Variants in MAP3K21 observed in about 807,000 individuals in gnomAD.
MAP3K21 encodes the protein mitogen-activated protein kinase kinase kinase 21, also known as mitogen-activated protein kinase kinase kinase MLK4.
A neutral mutation model predicts 86.1 loss-of-function variants in MAP3K21; 63 were observed. That is an observed-to-expected ratio of 0.73 (90% CI 0.60 to 0.90). The LOEUF is 0.90. MAP3K21 is among the 40% of genes least tolerant of loss of function. The pLI, the probability that MAP3K21 is intolerant of heterozygous loss-of-function variation, is 0.00. For synonymous variants in MAP3K21, 558 were observed against 564.8 expected, an observed-to-expected ratio of 0.99 and a Z score of 0.17; for missense variants, 1,220 against 1,367.7, an observed-to-expected ratio of 0.89 and a Z score of 1.70.
At chr1:233,367,772 A>G (rs1327985251) in intron 5 of MAP3K21, among the ~76,000 whole-genome samples, 1 of 151,456 alleles carries the variant, frequency 6.6e-6, no homozygotes, top group Non-Finnish European at 1.5e-5. Context: ...AAGCAGGAGA[A>G]CTGTTTGAAC....
Position 233,361,565 on chromosome 1 carries a change from A to G in MAP3K21, c.1312-488A>G, listed in dbSNP as rs533112282. On this transcript the variant is annotated intron_variant, in intron 4 of 9. Coordinates refer to ENST00000366624, the MANE Select transcript of MAP3K21 (RefSeq NM_032435.3). Reference sequence around the variant, plus strand: ...GTTGTAAATACCCTAAAGAAATTCTAAGTCGTCTGAACTGCAGTCTTGTGT... The same window carrying G: ...GTTGTAAATACCCTAAAGAAATTCTGAGTCGTCTGAACTGCAGTCTTGTGT... Among the ~76,000 whole-genome samples, 19 of 152,312 alleles carry G rather than the reference A, an allele frequency of 1.2e-4. No homozygotes were observed. In the East Asian group the frequency reaches 3.7e-3, roughly 29 times the overall value.
chr1:233,352,578 G>C (rs1213287500), intron 2 of MAP3K21, among the ~76,000 whole-genome samples: 1 of 151,868 alleles, frequency 6.6e-6, no homozygotes, highest in Admixed American at 6.6e-5. Flanking sequence ...CTGCAGGCAC[G>C]CACCACCATG....
intron 2 of MAP3K21, among the ~76,000 whole-genome samples, chr1:233,350,759 A>T (rs1440514082): frequency 7.9e-5 from 12 of 152,156 alleles, no homozygotes; most frequent in Admixed American, 7.9e-4. Context: ...TAAGAAGCAG[A>T]TTTTAGGTCC....
intron 1 of MAP3K21, among the ~76,000 whole-genome samples, chr1:233,345,884 A>T (rs1331282176): frequency 6.6e-6 from 1 of 152,122 alleles, no homozygotes; most frequent in Non-Finnish European, 1.5e-5. Flanking sequence ...GGCATTGAGA[A>T]AACCAGCAAC....
rs747473258 is a variant in MAP3K21, at chr1:233,362,088, G to T, written c.1347G>T (p.Ala449=). The change falls in exon 5 of 10, where the codon GCG becomes GCT. Residue 449 remains alanine (A), a synonymous_variant. Transcript: ENST00000366624. ...LRSREEELTR[A]ALQQKSQEEL... is the part of the protein sequence containing the mutation. ...CCCGGGAAGAGGAGCTGACTCGGGCGGCTCTGCAGCAGAAGTCTCAGGAGG... is the reference window on the plus strand; with the variant it reads ...CCCGGGAAGAGGAGCTGACTCGGGCTGCTCTGCAGCAGAAGTCTCAGGAGG... The T allele has an allele frequency of 2.4e-5, 38 of 1,613,002 alleles. No homozygotes were observed. Among genetic ancestry groups the T allele is most frequent in the Non-Finnish European group, 3.1e-5 (36 of 1,179,592 alleles).
chr1:233,347,194 C>A (rs1256947236), intron 2 of MAP3K21, among the ~76,000 whole-genome samples: 1 of 152,132 alleles, frequency 6.6e-6, no homozygotes, highest in Non-Finnish European at 1.5e-5. Context: ...TGCACCCAGC[C>A]TGAATTGACA....
chr1:233,382,475 G>C lies in MAP3K21; in HGVS notation c.2875G>C (p.Ala959Pro). Reference sequence around the variant, plus strand: ...GAGAAGCCGCTCAGATCTGCCTCAGGCTTACCCACAGACAGCAGTGTCTCA... The same window carrying C: ...GAGAAGCCGCTCAGATCTGCCTCAGCCTTACCCACAGACAGCAGTGTCTCA... ...SLRSRSDLPQ[A>P]YPQTAVSQLA... Residue 959 changes from alanine (A) to proline (P), a missense_variant, in exon 10 of 10, where the codon GCT becomes CCT. Physicochemically the swap from Ala to Pro is conservative, Grantham distance 27. Transcript: ENST00000366624. 2 of 1,614,148 alleles carry C rather than the reference G, an allele frequency of 1.2e-6. No homozygotes were observed. Among genetic ancestry groups the C allele is most frequent in the Non-Finnish European group, 8.5e-7 (1 of 1,180,030 alleles).
At chr1:233,339,249 C>CTTCTTCTTCTTCTTCTTCTTCCTG (rs1662973896) in intron 1 of MAP3K21, among the ~76,000 whole-genome samples, 1 of 75,124 alleles carries the variant, frequency 1.3e-5, no homozygotes, top group East Asian at 4.9e-4. Context: ...TCTTCTTCTT[C>CTTCTTCTTCTTCTTCTTCTTCCTG]TTCTTCTTCT....
chr1:233,380,018 G>A (rs1321121940), intron 9 of MAP3K21, among the ~76,000 whole-genome samples: 1 of 152,208 alleles, frequency 6.6e-6, no homozygotes, highest in Admixed American at 6.5e-5. Flanking sequence ...GCCCCAGTTA[G>A]AACCACGGAT....
intron 1 of MAP3K21, among the ~76,000 whole-genome samples, chr1:233,332,011 C>A (rs1004954637): frequency 2.6e-5 from 4 of 151,938 alleles, no homozygotes; most frequent in South Asian, 2.1e-4. Flanking sequence ...CTATAGGCAC[C>A]CCCCAGAGAA....
At chr1:233,329,677 G>A (rs553968958) in intron 1 of MAP3K21, among the ~76,000 whole-genome samples, 1 of 151,976 alleles carries the variant, frequency 6.6e-6, no homozygotes, top group Non-Finnish European at 1.5e-5. Context: ...GTGTCTCTAC[G>A]TGAAATATGA....
chr1:233,331,361 TTGAC>T (rs1662806451), intron 1 of MAP3K21, among the ~76,000 whole-genome samples: 2 of 152,232 alleles, frequency 1.3e-5, no homozygotes, highest in Non-Finnish European at 2.9e-5. Flanking sequence ...AGTGAAGAGT[TTGAC>T]TGGGGTCTAG....
rs1007321871 is a variant in MAP3K21, at chr1:233,328,413, C to T, written c.385C>T (p.Leu129Phe). The T allele has an allele frequency of 2.7e-6, 4 of 1,492,972 alleles. No individual in the cohort carries two copies. The highest frequency in any genetic ancestry group is 3.5e-6 in the Non-Finnish European group (4 of 1,129,620). 92.5% of individuals were successfully genotyped at this position (1,492,972 alleles called of 1,614,324 possible). A position where few individuals can be genotyped will look rare whatever the true frequency, so the allele number is the denominator to read the frequency against. ...CTTCGAGCGGCTGGAGCTGAAGGAG[C>T]TCATCGGCGCTGGGGGCTTCGGGCA... is the stretch of plus-strand genomic sequence containing the variant. ...VAFERLELKE[L>F]IGAGGFGQVY... Residue 129 changes from leucine to phenylalanine, a missense_variant, in exon 1 of 10, where the codon CTC (leucine) becomes TTC (phenylalanine). Transcript: ENST00000366624. The surrounding 1 kb of genome is among the most constrained non-coding windows in gnomAD (Gnocchi z 8.7).
intron 5 of MAP3K21, among the ~76,000 whole-genome samples, chr1:233,370,709 T>C (rs942551978): frequency 3.9e-5 from 6 of 152,202 alleles, no homozygotes; most frequent in African/African-American, 1.4e-4. Context: ...GTAGAACCAG[T>C]TCAAATGAGA....
At chr1:233,345,186 G>A (rs947912719) in intron 1 of MAP3K21, among the ~76,000 whole-genome samples, 2 of 152,132 alleles carry the variant, frequency 1.3e-5, no homozygotes, top group Non-Finnish European at 2.9e-5. Flanking sequence ...ATTCCTCAAG[G>A]ATCTAGAACT....
At chr1:233,349,042 C>G (rs1336207521) in intron 2 of MAP3K21, among the ~76,000 whole-genome samples, 2 of 152,138 alleles carry the variant, frequency 1.3e-5, no homozygotes, top group Non-Finnish European at 2.9e-5. Context: ...AATTGTTCTA[C>G]TTAAAGCTTC....
intron 7 of MAP3K21, among the ~76,000 whole-genome samples, 172 bp from the exon 8 acceptor site, chr1:233,376,258 G>T (rs1464628439): frequency 1.3e-5 from 2 of 152,194 alleles, no homozygotes; most frequent in Non-Finnish European, 2.9e-5. Flanking sequence ...ATATTTCTGA[G>T]ATTTTTCCTG....
chr1:233,369,287 G>A (rs1022432624), intron 5 of MAP3K21, among the ~76,000 whole-genome samples: 1 of 151,458 alleles, frequency 6.6e-6, no homozygotes, highest in Non-Finnish European at 1.5e-5. Flanking sequence ...CTACTCAGGA[G>A]GGTGAGGCAG....
In MAP3K21 at chr1:233,375,951, A is replaced by G; in HGVS notation, c.1711A>G (p.Asn571Asp). 1 of 1,612,426 alleles carries G rather than the reference A, an allele frequency of 6.2e-7. No homozygotes were observed. The highest frequency in any genetic ancestry group is 1.1e-5 in the South Asian group (1 of 90,594). ...SDESNKTWGR[N>D]TVFRQEEFED... Reference sequence around the variant, plus strand: ...TGAAAGCAATAAAACTTGGGGAAGGAACACAGTCTTTCGACAAGAAGAATT... The same window carrying G: ...TGAAAGCAATAAAACTTGGGGAAGGGACACAGTCTTTCGACAAGAAGAATT... Residue 571 changes from asparagine (N) to aspartate (D), a missense_variant, in exon 7 of 10, where the codon AAC (asparagine) becomes GAC (aspartate). Physicochemically the swap from Asn to Asp is conservative, Grantham distance 23. This residue lies in a region of MAP3K21 where 632 missense variants were observed against 691.3 expected (regional missense o/e 0.91). Transcript: ENST00000366624.
Sources: allele counts gnomAD v4.1 joint callset (sites outside exome capture counted in the v4.1 genomes callset), GRCh38; gene constraint gnomAD v4.1.1; regional missense constraint gnomAD v4.1.1; non-coding constraint Gnocchi (gnomAD v3.1); transcripts MANE v1.5; gene names NCBI Gene and HGNC (gene_info 2026-07-23, HGNC 2026-07-21).